PUM1: variants seen among roughly 807,000 people sequenced by gnomAD.
PUM1 encodes the protein pumilio RNA binding family member 1, also known as pumilio homolog 1.
A neutral mutation model predicts 131.8 loss-of-function variants in PUM1; 13 were observed. The ratio of observed to expected loss-of-function variants is 0.10; its 90% CI spans 0.06 to 0.16. The LOEUF (loss-of-function observed/expected upper bound fraction) is 0.16. Among genes scored for constraint, PUM1 ranks in the 10% least tolerant of loss-of-function variants. The pLI, the probability that PUM1 is intolerant of heterozygous loss-of-function variation, is 1.00. For missense variants in PUM1, 961 were observed against 1,512.4 expected, an observed-to-expected ratio of 0.64 and a Z score of 6.05; for synonymous variants, 509 against 556.5, an observed-to-expected ratio of 0.91 and a Z score of 1.20.
At chr1:31,009,781 A>AC (rs11414805) in intron 3 of PUM1, among the ~76,000 whole-genome samples, 50,027 of 142,818 alleles carry the variant, frequency 0.35, 9,421 homozygotes, top group Admixed American at 0.41. Context: ...AAAAAAAAAA[A>AC]AAAAAACAAA....
At chr1:30,994,855 G>A (rs532445400) in intron 6 of PUM1, among the ~76,000 whole-genome samples, 199 bp downstream of exon 6, 4 of 152,224 alleles carry the variant, frequency 2.6e-5, no homozygotes, top group African/African-American at 4.8e-5. Flanking sequence ...TTTTGGCAAC[G>A]CTTCAGGCAT....
chr1:31,010,163 G>C (rs1356469813), intron 3 of PUM1, among the ~76,000 whole-genome samples: 1 of 152,164 alleles, frequency 6.6e-6, no homozygotes, highest in African/African-American at 2.4e-5. Context: ...CTTGGGCAAA[G>C]ACAGAAGCAA....
intron 10 of PUM1, chr1:30,973,034 T>C (rs918243386): frequency 4.7e-5 from 9 of 191,948 alleles, no homozygotes; most frequent in Non-Finnish European, 9.9e-5. Context: ...GAGCCAAGAT[T>C]GCACCATTGC....
intron 2 of PUM1, among the ~76,000 whole-genome samples, chr1:31,035,921 TTTA>T (rs1643595727): frequency 6.6e-6 from 1 of 152,222 alleles, no homozygotes; most frequent in Non-Finnish European, 1.5e-5. Flanking sequence ...GTTCATATCA[TTTA>T]TTAACTGTCA....
chr1:30,967,409 T>C (rs1640666474), intron 11 of PUM1, 99 bp from the exon 12 acceptor site: 6 of 1,241,434 alleles, frequency 4.8e-6, no homozygotes, highest in Non-Finnish European at 5.7e-6. Context: ...AGCTTTGAGG[T>C]TGAATTGGCC....
At chr1:30,936,190 T>A (rs1412025095) in intron 21 of PUM1, among the ~76,000 whole-genome samples, 1 of 151,018 alleles carries the variant, frequency 6.6e-6, no homozygotes, top group East Asian at 1.9e-4. Context: ...GAATGTACTC[T>A]GTGGGCAGGG....
chr1:30,938,321 C>T (rs890982541), intron 20 of PUM1, among the ~76,000 whole-genome samples: 23 of 152,150 alleles, frequency 1.5e-4, no homozygotes, highest in African/African-American at 4.1e-4. Flanking sequence ...GGCACGATCT[C>T]GACTCACTGC....
intron 5 of PUM1, among the ~76,000 whole-genome samples, chr1:30,997,264 A>G (rs1312077469): frequency 1.3e-5 from 2 of 152,186 alleles, no homozygotes; most frequent in African/African-American, 4.8e-5. Flanking sequence ...CTATAATCCC[A>G]GCACTTTGGA....
At chr1:31,013,696 C>A (rs1205787083) in intron 3 of PUM1, among the ~76,000 whole-genome samples, 1 of 152,136 alleles carries the variant, frequency 6.6e-6, no homozygotes, top group Non-Finnish European at 1.5e-5. Flanking sequence ...AGAGAAAGGA[C>A]CTTTCAGAAC....
chr1:30,957,087 T>C (rs74758292), intron 14 of PUM1, among the ~76,000 whole-genome samples: 10 of 139,970 alleles, frequency 7.1e-5, no homozygotes, highest in East Asian at 2.0e-4. Flanking sequence ...AGGACATTCA[T>C]ACACACACAC....
chr1:31,036,723 A>T (rs1005394872), intron 2 of PUM1: 1 of 152,814 alleles, frequency 6.5e-6, no homozygotes, highest in Non-Finnish European at 1.5e-5. Flanking sequence ...CTGGCTATAC[A>T]TGAGGACACG....
Position 31,005,944 on chromosome 1 carries a change from G to A in PUM1, c.629C>T (p.Pro210Leu). ...GCCTAGTCCCCCACTCTCCGATCGT[G>A]GGGACAGTACAGAATTGACCTCACT... ...VNSEVNSVLSPRSESGGLGVS... is the reference protein window; with the variant it reads ...VNSEVNSVLSLRSESGGLGVS... Residue 210 changes from proline to leucine, a missense_variant, in exon 5 of 22, where the codon CCA (proline) becomes CTA (leucine). Physicochemically the swap from Pro to Leu is moderately conservative, Grantham distance 98. Coordinates refer to ENST00000426105, the MANE Select transcript of PUM1 (RefSeq NM_001020658.2). 1 of 1,613,942 alleles carries A rather than the reference G, an allele frequency of 6.2e-7. No individual in the cohort carries two copies. The highest frequency in any genetic ancestry group is 8.5e-7 in the Non-Finnish European group (1 of 1,179,938).
intron 2 of PUM1, among the ~76,000 whole-genome samples, chr1:31,039,965 C>T (rs757265249): frequency 3.2e-4 from 48 of 152,120 alleles, no homozygotes; most frequent in Non-Finnish European, 3.8e-4. Flanking sequence ...AATCCCTGGG[C>T]GACAAGAGCG....
intron 3 of PUM1, among the ~76,000 whole-genome samples, chr1:31,014,095 G>A (rs139380356): frequency 9.1e-4 from 139 of 152,032 alleles, no homozygotes; most frequent in Admixed American, 1.7e-3. Context: ...GAGTCTAGGA[G>A]TTAAAGACCA....
intron 17 of PUM1, among the ~76,000 whole-genome samples, chr1:30,946,623 C>A (rs1242912672): frequency 2.6e-4 from 31 of 121,402 alleles, no homozygotes; most frequent in African/African-American, 8.8e-4. Flanking sequence ...AGCGACAGAG[C>A]GAGACTCTGT....
chr1:31,059,592 G>T lies in PUM1; in HGVS notation c.-11-15C>A. ...TCCACCAACACCTAAGGACAAACAGGTTACAAATATTTAATATTTCCATCT... is the reference window on the plus strand; with the variant it reads ...TCCACCAACACCTAAGGACAAACAGTTTACAAATATTTAATATTTCCATCT... On this transcript the variant is annotated splice_polypyrimidine_tract_variant and intron_variant, in intron 1 of 21. Transcript: ENST00000426105. 6 of 1,556,722 alleles carry T rather than the reference G, an allele frequency of 3.9e-6. No homozygotes were observed. The highest frequency in any genetic ancestry group is 5.2e-6 in the Non-Finnish European group (6 of 1,153,406).
rs528032554 is a variant in PUM1 at position 31,059,679 on chromosome 1, T to C, written c.-11-102A>G. 34 of 1,370,146 alleles carry C rather than the reference T, an allele frequency of 2.5e-5. No homozygotes were observed. The South Asian group carries it at 4.6e-4, about 19-fold the overall frequency. 84.9% of individuals were successfully genotyped at this position (1,370,146 alleles called of 1,614,324 possible). A position where few individuals can be genotyped will look rare whatever the true frequency, so the allele number is the denominator to read the frequency against. ...CCCCATGTCTTTTACAATAAATAAA[T>C]GTCGTTGGTGGCATGCACTCTGGCA... On this transcript the variant is annotated intron_variant, in intron 1 of 21. Transcript: ENST00000426105.
chr1:31,012,552 TAAAA>T (rs10666570), intron 3 of PUM1, among the ~76,000 whole-genome samples: 5 of 119,150 alleles, frequency 4.2e-5, no homozygotes, highest in African/African-American at 1.5e-4. Flanking sequence ...TTATGAAAAG[TAAAA>T]AAAAAAAAAA....
chr1:31,028,614 A>G (rs1340982309), intron 3 of PUM1, 182 bp downstream of exon 3: 9 of 620,184 alleles, frequency 1.5e-5, no homozygotes, highest in Middle Eastern at 2.6e-4. Context: ...TATGGTTAAC[A>G]TTCTTCTTTT....
Sources: gnomAD v4.1 joint callset for allele counts (sites outside exome capture counted in the v4.1 genomes callset) on GRCh38, gnomAD v4.1.1 for gene constraint, MANE v1.5 for transcripts, NCBI Gene and HGNC (gene_info 2026-07-23, HGNC 2026-07-21) for gene names.